The following DPP10 variants were observed in gnomAD, a reference collection of about 807,000 sequenced individuals.
DPP10 encodes dipeptidyl peptidase like 10, also known as inactive dipeptidyl peptidase 10.
DPP10 carries 33 observed loss-of-function variants against 120.9 expected under a neutral mutation model. The ratio of observed to expected loss-of-function variants is 0.27; its 90% CI spans 0.21 to 0.37. The LOEUF (loss-of-function observed/expected upper bound fraction) is 0.37, where lower values mean the gene tolerates loss of function less well. DPP10 is among the 10% of genes least tolerant of loss of function. DPP10 has a pLI of 1.00. For missense variants in DPP10, 816 were observed against 942.8 expected (o/e 0.87, Z 1.76); for synonymous variants, 337 against 326.1 (o/e 1.03, Z -0.36).
intron 21 of DPP10, 40 bp from the exon 22 acceptor site, chr2:115,836,116 TG>T: frequency 1.4e-6 from 1 of 689,806 alleles, no homozygotes; most frequent in Non-Finnish European, 2.0e-6. Context: ...TGTGTGTGTG[TG>T]AGATATATAT....
chr2:115,328,656 A>T (rs2062509167), intron 2 of DPP10, among the ~76,000 whole-genome samples: 1 of 151,514 alleles, frequency 6.6e-6, no homozygotes, highest in South Asian at 2.1e-4. Context: ...AGAGCTTCAA[A>T]TAAAATTCTA....
intron 16 of DPP10, 27 bp from the exon 17 acceptor site, chr2:115,782,325 A>G: frequency 1.3e-6 from 2 of 1,590,468 alleles, no homozygotes; most frequent in Non-Finnish European, 1.7e-6. Flanking sequence ...CTTTAAAAAT[A>G]TTTATACACA....
At chr2:114,798,666 G>T (rs569629866) in intron 1 of DPP10, among the ~76,000 whole-genome samples, 1 of 152,250 alleles carries the variant, frequency 6.6e-6, no homozygotes, top group Non-Finnish European at 1.5e-5. Context: ...TGACAGGGGT[G>T]GGGGCACGAG....
chr2:114,494,646 C>T (rs1682345105), intron 1 of DPP10, among the ~76,000 whole-genome samples: 1 of 152,148 alleles, frequency 6.6e-6, no homozygotes, highest in African/African-American at 2.4e-5. Context: ...TGTAAAGAGA[C>T]AATGGGACAA....
intron 5 of DPP10, among the ~76,000 whole-genome samples, chr2:115,605,930 A>G (rs182649491): frequency 2.9e-4 from 44 of 152,252 alleles, no homozygotes; most frequent in African/African-American, 9.4e-4. Context: ...ACTCCAAGTT[A>G]TCATGACTTC....
intron 7 of DPP10, among the ~76,000 whole-genome samples, chr2:115,700,536 T>C (rs961038769): frequency 3.3e-5 from 5 of 152,112 alleles, no homozygotes; most frequent in African/African-American, 1.2e-4. Context: ...AAGGCAAGGA[T>C]CCTTCCTTTT....
intron 5 of DPP10, among the ~76,000 whole-genome samples, chr2:115,652,723 A>C (rs12328459): frequency 0.99 from 150,903 of 151,906 alleles, 74,960 homozygotes; most frequent in Middle Eastern, 1. Flanking sequence ...AAAGCGAATC[A>C]TCTCTTATTC....
chr2:115,475,577 G>A (rs1306566562), intron 3 of DPP10, among the ~76,000 whole-genome samples: 1 of 152,190 alleles, frequency 6.6e-6, no homozygotes, highest in Non-Finnish European at 1.5e-5. Flanking sequence ...GTGGAGCTGT[G>A]AGAAGAGGGC....
At chr2:114,741,778 T>C (rs1277753834) in intron 1 of DPP10, among the ~76,000 whole-genome samples, 1 of 151,900 alleles carries the variant, frequency 6.6e-6, no homozygotes, top group East Asian at 1.9e-4. Context: ...GATGCTGGAG[T>C]TACGCTGTCA....
Position 115,577,297 on chromosome 2 carries a change from T to A in DPP10, c.441+51325T>A, listed in dbSNP as rs138798231. ...TGGAAAGCCATGTATGGCGATAAAA[T>A]GAGTGTGATCCTCTTAGCAAGAAGG... is the stretch of plus-strand genomic sequence containing the variant. On this transcript the variant is annotated intron_variant, in intron 5 of 25. Coordinates refer to ENST00000410059, the MANE Select transcript of DPP10 (RefSeq NM_020868.6). Among the ~76,000 whole-genome samples, 37 of 152,266 alleles carry A rather than the reference T, an allele frequency of 2.4e-4. No homozygotes were observed. The East Asian group carries it at 6.8e-3, about 28-fold the overall frequency.
chr2:114,838,489 A>G (rs1004725965), intron 1 of DPP10, among the ~76,000 whole-genome samples: 2 of 151,600 alleles, frequency 1.3e-5, no homozygotes, highest in African/African-American at 2.4e-5. Flanking sequence ...ATTTTTTTGG[A>G]TTTTTAGTAG....
chr2:115,328,695 A>AT (rs1472611574), intron 2 of DPP10, among the ~76,000 whole-genome samples: 1 of 152,020 alleles, frequency 6.6e-6, no homozygotes, highest in Non-Finnish European at 1.5e-5. Context: ...CCAAAGCAGC[A>AT]TTTTTCTGGT....
intron 1 of DPP10, among the ~76,000 whole-genome samples, chr2:114,627,424 T>C (rs1163735915): frequency 1.3e-5 from 2 of 152,142 alleles, no homozygotes; most frequent in Admixed American, 1.3e-4. Flanking sequence ...AAACACCCCA[T>C]GCCAGAGAAG....
In DPP10 at chr2:115,762,611, G is replaced by A. The variant is rs145645541; in HGVS notation, c.1113+1G>A. The A allele has an allele frequency of 6.2e-7, 1 of 1,613,130 alleles. No individual in the cohort carries two copies. The highest frequency in any genetic ancestry group is 8.5e-7 in the Non-Finnish European group (1 of 1,179,866). ...ATCAGATACGTGGCTCTCTCAGCAG[G>A]TACAGTATAGGTGGTCTGTCACATC... On this transcript the variant is annotated splice_donor_variant, in intron 12 of 25. Transcript: ENST00000410059. LOFTEE classifies it high-confidence loss of function.
intron 1 of DPP10, among the ~76,000 whole-genome samples, chr2:115,212,998 C>T (rs776593444): frequency 6.6e-6 from 1 of 152,074 alleles, no homozygotes; most frequent in Non-Finnish European, 1.5e-5. Context: ...CCATGATTGG[C>T]CCTGCCCATT....
intron 1 of DPP10, among the ~76,000 whole-genome samples, chr2:115,290,272 G>A (rs540143203): frequency 1.3e-5 from 2 of 152,232 alleles, no homozygotes; most frequent in South Asian, 4.1e-4. Context: ...GGAGTGAAGT[G>A]TACTGAGGTC....
chr2:115,380,108 G>C (rs577848023), intron 3 of DPP10, among the ~76,000 whole-genome samples: 43 of 152,224 alleles, frequency 2.8e-4, no homozygotes, highest in African/African-American at 9.2e-4. Context: ...TGGTATCCTT[G>C]TTGACTTTCT....
intron 7 of DPP10, among the ~76,000 whole-genome samples, chr2:115,705,446 G>A (rs1343240263): frequency 6.6e-6 from 1 of 151,894 alleles, no homozygotes; most frequent in Non-Finnish European, 1.5e-5. Context: ...TGCCAAGCAC[G>A]TTCTGGGCTG....
At chr2:114,477,595 G>A (rs138965216) in intron 1 of DPP10, among the ~76,000 whole-genome samples, 1 of 151,120 alleles carries the variant, frequency 6.6e-6, no homozygotes, top group African/African-American at 2.4e-5. Flanking sequence ...AGACCTGCCT[G>A]GCCAACATGG....
Sources: gnomAD v4.1 joint callset for allele counts (sites outside exome capture counted in the v4.1 genomes callset) on GRCh38, gnomAD v4.1.1 for gene constraint, MANE v1.5 for transcripts, NCBI Gene and HGNC (gene_info 2026-07-23, HGNC 2026-07-21) for gene names.